Variants in SMOC2 observed in about 807,000 individuals in gnomAD.
SMOC2 encodes SPARC related modular calcium binding 2.
In SMOC2, 39 loss-of-function variants were observed where a neutral mutation model predicts 61.4. That is an observed-to-expected ratio of 0.64 (90% CI 0.49 to 0.83). The LOEUF (loss-of-function observed/expected upper bound fraction) is 0.83, where lower values mean the gene tolerates loss of function less well. SMOC2 is among the 40% of genes least tolerant of loss of function. SMOC2 has a pLI of 0.00. For synonymous variants in SMOC2, 247 were observed against 239.9 expected, an observed-to-expected ratio of 1.03 and a Z score of -0.27; for missense variants, 556 against 592.9, an observed-to-expected ratio of 0.94 and a Z score of 0.65.
chr6:168,603,028 G>C (rs1429285015), intron 8 of SMOC2, among the ~76,000 whole-genome samples: 1 of 152,298 alleles, frequency 6.6e-6, no homozygotes, highest in South Asian at 2.1e-4. Context: ...GGAAGTGATT[G>C]GATCATGGGG....
At chr6:168,450,543 G>A (rs1360376247) in intron 1 of SMOC2, among the ~76,000 whole-genome samples, 1 of 152,068 alleles carries the variant, frequency 6.6e-6, no homozygotes, top group African/African-American at 2.4e-5. Flanking sequence ...TTCTTCTCAG[G>A]CCCTGGGTTC....
chr6:168,458,215 G>A (rs1781634328), intron 1 of SMOC2, among the ~76,000 whole-genome samples: 1 of 152,206 alleles, frequency 6.6e-6, no homozygotes. Flanking sequence ...GGATCCAGCA[G>A]CCTCTCTGGG....
At chr6:168,524,921 C>T (rs540996430) in intron 2 of SMOC2, among the ~76,000 whole-genome samples, 1 of 152,226 alleles carries the variant, frequency 6.6e-6, no homozygotes, top group Non-Finnish European at 1.5e-5. Flanking sequence ...TGTAGGAGCC[C>T]GCTGTGACGG....
chr6:168,549,169 TA>T lies in SMOC2; in HGVS notation c.607del (p.Ser203ValfsTer34). 6.2e-7 allele frequency: 1 copy of T among 1,614,200 alleles called. No individual in the cohort carries two copies. Among genetic ancestry groups the T allele is most frequent in the Non-Finnish European group, 8.5e-7 (1 of 1,180,020 alleles). On this transcript the variant is annotated frameshift_variant, in exon 7 of 13. Transcript: ENST00000356284. LOFTEE classifies it high-confidence loss of function. ...RYPTLWTEQV[K>X]SRQNKTNKNS... Reference sequence around the variant, plus strand: ...ACCCTACCCTTTGGACTGAACAGGTTAAAAGTCGGCAGAACAAAACCAATAA... The same window carrying T: ...ACCCTACCCTTTGGACTGAACAGGTTAAAGTCGGCAGAACAAAACCAATAA...
At chr6:168,616,053 C>G (rs1434537788) in intron 9 of SMOC2, among the ~76,000 whole-genome samples, 5 of 152,166 alleles carry the variant, frequency 3.3e-5, no homozygotes, top group Non-Finnish European at 7.4e-5. Flanking sequence ...ACCTTTTCTA[C>G]AAAGCAGACA....
chr6:168,508,849 T>G (rs775476982), intron 1 of SMOC2, among the ~76,000 whole-genome samples: 1 of 152,240 alleles, frequency 6.6e-6, no homozygotes, highest in Non-Finnish European at 1.5e-5. Context: ...GCCACAGCTC[T>G]GCGCGTTTCT....
chr6:168,646,870 C>T (rs1444577944), intron 9 of SMOC2, among the ~76,000 whole-genome samples: 2 of 152,226 alleles, frequency 1.3e-5, no homozygotes, highest in Non-Finnish European at 2.9e-5. Context: ...TCAGCTGGAG[C>T]ACCTGAGGAT....
intron 11 of SMOC2, among the ~76,000 whole-genome samples, chr6:168,663,398 C>T (rs1217144899): frequency 1.3e-5 from 2 of 152,184 alleles, no homozygotes; most frequent in African/African-American, 4.8e-5. Context: ...AATATAGAAG[C>T]AAAAGACTTC....
chr6:168,659,178 T>A (rs995446037), intron 11 of SMOC2, among the ~76,000 whole-genome samples: 1 of 152,096 alleles, frequency 6.6e-6, no homozygotes, highest in African/African-American at 2.4e-5. Flanking sequence ...CTATGTGTCC[T>A]ACTATTTTAA....
intron 7 of SMOC2, 37 bp from the exon 8 acceptor site, chr6:168,598,781 G>C (rs1314004440): frequency 6.2e-7 from 1 of 1,609,698 alleles, no homozygotes; most frequent in South Asian, 1.1e-5. Context: ...CGACGTCGCT[G>C]GATCCTGCTC....
At chr6:168,461,757 G>T (rs897910096) in intron 1 of SMOC2, among the ~76,000 whole-genome samples, 1 of 152,212 alleles carries the variant, frequency 6.6e-6, no homozygotes, top group African/African-American at 2.4e-5. Context: ...CCATGCAGAT[G>T]AGGCAGCCGT....
intron 9 of SMOC2, among the ~76,000 whole-genome samples, chr6:168,610,019 C>T (rs1785814982): frequency 6.6e-6 from 1 of 152,162 alleles, no homozygotes; most frequent in Non-Finnish European, 1.5e-5. Flanking sequence ...TAATCTGTTA[C>T]ACTCTAGACC....
Position 168,666,406 on chromosome 6 carries a change from T to A in SMOC2, c.1324-15T>A. ...CTCTGAATATAATGTCTCTTTTTTGTTTTTTCCTTTTCAGCCAAGGAAACA... is the reference window on the plus strand; with the variant it reads ...CTCTGAATATAATGTCTCTTTTTTGATTTTTCCTTTTCAGCCAAGGAAACA... On this transcript the variant is annotated splice_polypyrimidine_tract_variant and intron_variant, in intron 12 of 12. Transcript: ENST00000356284. The A allele has an allele frequency of 6.2e-7, 1 of 1,613,760 alleles. No homozygotes were observed. The highest frequency in any genetic ancestry group is 1.3e-5 in the African/African-American group (1 of 75,042).
intron 1 of SMOC2, among the ~76,000 whole-genome samples, chr6:168,456,134 C>T (rs768179376): frequency 3.3e-5 from 5 of 152,206 alleles, no homozygotes; most frequent in African/African-American, 9.6e-5. Context: ...ACGTGTGGGC[C>T]GACGTCTCTT....
At chr6:168,595,297 C>T (rs1385586135) in intron 7 of SMOC2, among the ~76,000 whole-genome samples, 1 of 152,182 alleles carries the variant, frequency 6.6e-6, no homozygotes, top group East Asian at 1.9e-4. Context: ...GGGTTCCTTC[C>T]TGGAGTCACG....
intron 4 of SMOC2, among the ~76,000 whole-genome samples, chr6:168,540,988 A>G (rs116211201): frequency 0.017 from 2,594 of 152,128 alleles, 64 homozygotes; most frequent in African/African-American, 0.059. Context: ...TCAGCATAAC[A>G]CCGTTCCCTC....
chr6:168,605,547 C>A (rs563429976), intron 8 of SMOC2, among the ~76,000 whole-genome samples: 1 of 152,260 alleles, frequency 6.6e-6, no homozygotes, highest in South Asian at 2.1e-4. Context: ...CTCATTAAAA[C>A]AAGCAGAATA....
chr6:168,492,517 C>T (rs1782491519), intron 1 of SMOC2, among the ~76,000 whole-genome samples: 1 of 152,262 alleles, frequency 6.6e-6, no homozygotes, highest in Admixed American at 6.5e-5. Flanking sequence ...TCAAAACCAA[C>T]AACTCAGTCC....
At chr6:168,522,507 G>A (rs1783351948) in intron 2 of SMOC2, among the ~76,000 whole-genome samples, 1 of 152,202 alleles carries the variant, frequency 6.6e-6, no homozygotes, top group Non-Finnish European at 1.5e-5. Context: ...ATATTATTCA[G>A]CCATAAAAAG....
Sources: allele counts gnomAD v4.1 joint callset (sites outside exome capture counted in the v4.1 genomes callset), GRCh38; gene constraint gnomAD v4.1.1; transcripts MANE v1.5; gene names NCBI Gene and HGNC (gene_info 2026-07-23, HGNC 2026-07-21).